DNAJC1: variants seen among roughly 807,000 people sequenced by gnomAD.
The protein encoded by DNAJC1 is dnaJ homolog subfamily C member 1.
In DNAJC1, 58 loss-of-function variants were observed where a neutral mutation model predicts 76.6. The observed-to-expected ratio is 0.76, with a 90% CI of 0.61 to 0.94. The LOEUF is 0.94. DNAJC1 is among the 40% of genes least tolerant of loss of function. The probability of loss-of-function intolerance (pLI) is 0.00; values close to 1 mark genes in which losing one functional copy is unlikely to be tolerated. For missense variants in DNAJC1, 689 were observed against 677.3 expected (o/e 1.02, Z -0.19); for synonymous variants, 258 against 267.9 (o/e 0.96, Z 0.36).
chr10:21,821,678 A>T (rs184500893), intron 8 of DNAJC1, among the ~76,000 whole-genome samples: 148 of 152,286 alleles, frequency 9.7e-4, no homozygotes, highest in African/African-American at 3.2e-3. Context: ...TGATACTCAA[A>T]ATGAACATTT....
intron 6 of DNAJC1, among the ~76,000 whole-genome samples, chr10:21,911,161 TC>T (rs1356579503): frequency 6.6e-6 from 1 of 151,794 alleles, no homozygotes; most frequent in African/African-American, 2.4e-5. Flanking sequence ...ATACCACCTG[TC>T]CTGATGGGAA....
intron 10 of DNAJC1, among the ~76,000 whole-genome samples, chr10:21,765,632 G>A (rs138276933): frequency 0.021 from 3,233 of 152,240 alleles, 62 homozygotes; most frequent in Middle Eastern, 0.065. Context: ...GGATCAAGAG[G>A]TCAGGAGTTC....
At chr10:21,875,846 A>C (rs1393754693) in intron 8 of DNAJC1, among the ~76,000 whole-genome samples, 1 of 152,018 alleles carries the variant, frequency 6.6e-6, no homozygotes, top group Non-Finnish European at 1.5e-5. Context: ...AATCACTTGA[A>C]CCTGGGAGGC....
chr10:21,967,328 G>A (rs1262011860), intron 1 of DNAJC1, among the ~76,000 whole-genome samples: 1 of 152,090 alleles, frequency 6.6e-6, no homozygotes, highest in Non-Finnish European at 1.5e-5. Flanking sequence ...TTAGCACAAT[G>A]TTTTTGAGGT....
chr10:21,782,186 C>A (rs1386868966), intron 9 of DNAJC1, among the ~76,000 whole-genome samples: 1 of 152,000 alleles, frequency 6.6e-6, no homozygotes, highest in Non-Finnish European at 1.5e-5. Flanking sequence ...CAAATAGATG[C>A]AATAAAAAAT....
intron 7 of DNAJC1, among the ~76,000 whole-genome samples, chr10:21,889,371 T>C (rs573695960): frequency 1.3e-5 from 2 of 152,296 alleles, no homozygotes; most frequent in South Asian, 4.1e-4. Flanking sequence ...CTGGTGATTA[T>C]ATTTCAACAT....
chr10:21,901,378 T>C (rs887317490), intron 7 of DNAJC1, among the ~76,000 whole-genome samples: 13 of 152,178 alleles, frequency 8.5e-5, no homozygotes, highest in South Asian at 8.3e-4. Flanking sequence ...TTTTAGTACA[T>C]AGAATTCTCT....
chr10:21,866,852 A>G (rs1200661884), intron 8 of DNAJC1, among the ~76,000 whole-genome samples: 4 of 152,148 alleles, frequency 2.6e-5, no homozygotes, highest in Non-Finnish European at 5.9e-5. Flanking sequence ...CTGGAAATTA[A>G]TAACAAAAAG....
intron 8 of DNAJC1, among the ~76,000 whole-genome samples, chr10:21,858,283 C>G (rs1489018664): frequency 6.6e-6 from 1 of 152,086 alleles, no homozygotes; most frequent in Non-Finnish European, 1.5e-5. Context: ...AATTTTTATA[C>G]AGTAAAAAAC....
intron 7 of DNAJC1, among the ~76,000 whole-genome samples, chr10:21,890,400 G>A (rs1590035360): frequency 7.0e-6 from 1 of 142,514 alleles, no homozygotes; most frequent in African/African-American, 2.7e-5. Flanking sequence ...ACGAAACAGT[G>A]AGACTCCATA....
chr10:21,934,681 C>A (rs576258467), intron 1 of DNAJC1, among the ~76,000 whole-genome samples: 1 of 152,230 alleles, frequency 6.6e-6, no homozygotes, highest in East Asian at 1.9e-4. Flanking sequence ...AGGTTTGTAG[C>A]CCAGGAGCAA....
At chr10:21,980,569 A>G (rs1460913617) in intron 1 of DNAJC1, among the ~76,000 whole-genome samples, 1 of 152,154 alleles carries the variant, frequency 6.6e-6, no homozygotes, top group Non-Finnish European at 1.5e-5. Flanking sequence ...GAGATAAAAC[A>G]ACTAAATGTG....
Position 21,759,408 on chromosome 10 carries a change from G to A in DNAJC1, c.1358C>T (p.Ala453Val). Residue 453 changes from alanine (A) to valine (V), a missense_variant, in exon 11 of 12, where the codon GCT becomes GTT. Coordinates refer to ENST00000376980, the MANE Select transcript of DNAJC1 (RefSeq NM_022365.4). ...RRRKPARLLE[A>V]TAKPEPEEKS... ...CTCCTCTGGCTCCGGCTTCGCTGTA[G>A]CCTCCAGCAGCCTGGCTGGCTTCCG... 3.7e-6 allele frequency: 6 copies of A among 1,614,110 alleles called. No homozygotes were observed. The highest frequency in any genetic ancestry group is 5.1e-6 in the Non-Finnish European group (6 of 1,180,034).
intron 6 of DNAJC1, among the ~76,000 whole-genome samples, chr10:21,910,827 G>GA (rs1836843499): frequency 3.1e-5 from 1 of 32,612 alleles, no homozygotes; most frequent in African/African-American, 1.1e-4. Context: ...AGGAAAGAAA[G>GA]GAAGGAGAGG....
intron 1 of DNAJC1, among the ~76,000 whole-genome samples, chr10:21,959,800 C>CAA (rs199556961): frequency 0.71 from 98,498 of 138,604 alleles, 34,874 homozygotes; most frequent in East Asian, 0.97. Flanking sequence ...AAAACAAAAA[C>CAA]AAAAAAAAAA....
intron 9 of DNAJC1, among the ~76,000 whole-genome samples, chr10:21,787,397 AAAG>A (rs1048263706): frequency 6.6e-6 from 1 of 151,816 alleles, no homozygotes; most frequent in African/African-American, 2.4e-5. Flanking sequence ...AGAAAGAAGA[AAAG>A]AAGGAAGAGG....
At chr10:21,851,963 G>A (rs1246239609) in intron 8 of DNAJC1, among the ~76,000 whole-genome samples, 1 of 151,992 alleles carries the variant, frequency 6.6e-6, no homozygotes, top group African/African-American at 2.4e-5. Context: ...TGAGGCAGGA[G>A]AATGGTGTGA....
intron 8 of DNAJC1, among the ~76,000 whole-genome samples, chr10:21,847,245 C>T (rs556218866): frequency 2.4e-4 from 37 of 152,192 alleles, no homozygotes; most frequent in Non-Finnish European, 4.9e-4. Context: ...AAAAATGTCA[C>T]ACAGTTAGGA....
At chr10:21,880,720 A>G (rs1273211093) in intron 8 of DNAJC1, among the ~76,000 whole-genome samples, 2 of 152,234 alleles carry the variant, frequency 1.3e-5, no homozygotes, top group Admixed American at 1.3e-4. Context: ...TATAGAGCAC[A>G]GATAGAATGG....
Sources: allele counts gnomAD v4.1 joint callset (sites outside exome capture counted in the v4.1 genomes callset), GRCh38; gene constraint gnomAD v4.1.1; transcripts MANE v1.5; gene names NCBI Gene and HGNC (gene_info 2026-07-23, HGNC 2026-07-21).